The following ABLIM3 variants were observed in gnomAD, a reference collection of about 807,000 sequenced individuals.
ABLIM3 encodes actin binding LIM protein family member 3.
Under a neutral mutation model 109.5 loss-of-function variants are expected in ABLIM3, and 61 were observed. That is an observed-to-expected ratio of 0.56 (90% CI 0.45 to 0.69). ABLIM3 has a LOEUF of 0.69. Ranked by LOEUF, ABLIM3 falls within the 30% of genes least tolerant of loss-of-function variation. ABLIM3 has a pLI of 0.00. For missense variants in ABLIM3, 796 were observed against 889.5 expected, an observed-to-expected ratio of 0.89 and a Z score of 1.34; for synonymous variants, 300 against 324.8, an observed-to-expected ratio of 0.92 and a Z score of 0.82.
chr5:149,250,933 C>G (rs1347311453), intron 20 of ABLIM3, among the ~76,000 whole-genome samples: 2 of 152,308 alleles, frequency 1.3e-5, no homozygotes, highest in African/African-American at 4.8e-5. Context: ...CAGCCCACCC[C>G]CAACTGCTAT....
chr5:149,152,720 C>T (rs1196544338), intron 2 of ABLIM3, among the ~76,000 whole-genome samples: 1 of 152,144 alleles, frequency 6.6e-6, no homozygotes, highest in African/African-American at 2.4e-5. Flanking sequence ...ACATACGGGA[C>T]ATGCCTGGTC....
intron 2 of ABLIM3, among the ~76,000 whole-genome samples, chr5:149,171,639 A>G (rs1157741755): frequency 1.3e-5 from 2 of 152,184 alleles, no homozygotes; most frequent in African/African-American, 2.4e-5. Flanking sequence ...GTGAAGGTTA[A>G]GGTTAGGATC....
chr5:149,159,341 A>T (rs1754120900), intron 2 of ABLIM3, among the ~76,000 whole-genome samples: 1 of 152,234 alleles, frequency 6.6e-6, no homozygotes, highest in Non-Finnish European at 1.5e-5. Context: ...CTATGTGGAC[A>T]GAAATTATAA....
chr5:149,219,971 T>C (rs905814459), intron 8 of ABLIM3: 17 of 152,322 alleles, frequency 1.1e-4, no homozygotes, highest in Admixed American at 7.2e-4. Flanking sequence ...GGGGGGATCC[T>C]GGCTCCACTG....
At chr5:149,225,986 A>G (rs60498221) in intron 8 of ABLIM3, among the ~76,000 whole-genome samples, 457 of 9,934 alleles carry the variant, frequency 0.046, 3 homozygotes, top group Non-Finnish European at 0.075. Context: ...GTGTGTGTAT[A>G]TATATATATA....
At chr5:149,214,329 A>T (rs1759840220) in intron 7 of ABLIM3, among the ~76,000 whole-genome samples, 1 of 152,194 alleles carries the variant, frequency 6.6e-6, no homozygotes, top group Non-Finnish European at 1.5e-5. Context: ...TATTCTCAGG[A>T]GGGCGTTCTT....
chr5:149,212,727 TG>T (rs1209131667), intron 7 of ABLIM3, among the ~76,000 whole-genome samples: 1 of 152,126 alleles, frequency 6.6e-6, no homozygotes, highest in Non-Finnish European at 1.5e-5. Flanking sequence ...TTGGCAGAAC[TG>T]GGGATGACAG....
chr5:149,143,506 T>TCA (rs901376539), intron 2 of ABLIM3, among the ~76,000 whole-genome samples: 3 of 150,776 alleles, frequency 2.0e-5, no homozygotes, highest in African/African-American at 7.3e-5. Flanking sequence ...TACTATTTCC[T>TCA]CACACACCCC....
Position 149,258,607 on chromosome 5 carries a change from A to C in ABLIM3, c.*203A>C, listed in dbSNP as rs1754659671. 7.5e-7 allele frequency: 1 copy of C among 1,331,422 alleles called. No individual in the cohort carries two copies. The highest frequency in any genetic ancestry group is 2.0e-5 in the South Asian group (1 of 51,098). The allele number at this position is 1,331,422 out of a possible 1,614,324, so 82.5% of individuals were successfully genotyped here. A position where few individuals can be genotyped will look rare whatever the true frequency, so the allele number is the denominator to read the frequency against. On this transcript the variant is annotated 3_prime_UTR_variant, in exon 24 of 24. Coordinates refer to ENST00000309868, the MANE Select transcript of ABLIM3 (RefSeq NM_014945.5). ...TTTTCTAAGTGCTGTGGGATCTGGG[A>C]AGGGATTTGAGGGGACTCTGTCCTT...
intron 2 of ABLIM3, among the ~76,000 whole-genome samples, chr5:149,151,497 T>C (rs1049375165): frequency 3.9e-5 from 6 of 152,246 alleles, no homozygotes; most frequent in African/African-American, 1.4e-4. Context: ...TGTCAGCCAC[T>C]GTCCACACTA....
At chr5:149,225,905 T>G (rs1761136878) in intron 8 of ABLIM3, among the ~76,000 whole-genome samples, 1 of 135,390 alleles carries the variant, frequency 7.4e-6, no homozygotes, top group Admixed American at 7.6e-5. Context: ...TATGGCTGAG[T>G]AGTATTCCAT....
intron 11 of ABLIM3, 64 bp from the exon 12 acceptor site, chr5:149,239,184 G>T: frequency 1.9e-6 from 3 of 1,554,364 alleles, no homozygotes; most frequent in Non-Finnish European, 1.8e-6. Context: ...TCTGTCCTTC[G>T]TCTCGTCCTC....
intron 7 of ABLIM3, among the ~76,000 whole-genome samples, chr5:149,214,648 G>A (rs759474166): frequency 2.5e-4 from 38 of 152,162 alleles, no homozygotes; most frequent in Non-Finnish European, 4.7e-4. Flanking sequence ...AACAACAGTC[G>A]CCCAAGCACA....
At chr5:149,239,569 G>A (rs1426336584) in intron 12 of ABLIM3, among the ~76,000 whole-genome samples, 190 bp from the exon 13 acceptor site, 1 of 152,224 alleles carries the variant, frequency 6.6e-6, no homozygotes, top group African/African-American at 2.4e-5. Context: ...AGTAATGGGG[G>A]AAAGCCCTGG....
rs1754796437 is a variant in ABLIM3 at position 149,260,349 on chromosome 5, ACTGG to A, written c.*1946_*1949del. The A allele has an allele frequency of 6.6e-6, 1 of 152,548 alleles. No homozygotes were observed. The highest frequency in any genetic ancestry group is 1.5e-5 in the Non-Finnish European group (1 of 68,020). The allele number at this position is 152,548 out of a possible 1,614,324, so 9.4% of individuals were successfully genotyped here. Reference sequence around the variant, plus strand: ...CAATCATGGAAGTTGCCTTATTGTCACTGGTTAAGAACTTGGCGAGATTGAAGGG... The same window carrying A: ...CAATCATGGAAGTTGCCTTATTGTCATTAAGAACTTGGCGAGATTGAAGGG... On this transcript the variant is annotated 3_prime_UTR_variant, in exon 24 of 24. Coordinates refer to ENST00000309868, the MANE Select transcript of ABLIM3 (RefSeq NM_014945.5).
At chr5:149,160,804 C>T (rs925544192) in intron 2 of ABLIM3, among the ~76,000 whole-genome samples, 89 of 152,300 alleles carry the variant, frequency 5.8e-4, no homozygotes, top group African/African-American at 2.0e-3. Flanking sequence ...CTGTGTGCAC[C>T]TCCAGGCTGG....
intron 2 of ABLIM3, among the ~76,000 whole-genome samples, chr5:149,160,093 G>C (rs1245672815): frequency 6.6e-6 from 1 of 152,054 alleles, no homozygotes; most frequent in South Asian, 2.1e-4. Flanking sequence ...AACTCCCAAA[G>C]CATAGCAAAC....
chr5:149,228,082 C>T (rs1185953922), intron 8 of ABLIM3, among the ~76,000 whole-genome samples: 1 of 152,166 alleles, frequency 6.6e-6, no homozygotes, highest in East Asian at 1.9e-4. Flanking sequence ...TGTGCTGAGT[C>T]TCCTTCCTAA....
chr5:149,215,522 T>TA (rs11327906), intron 7 of ABLIM3, among the ~76,000 whole-genome samples: 111 of 146,210 alleles, frequency 7.6e-4, no homozygotes, highest in Non-Finnish European at 1.5e-3. Context: ...TCCCCCCACA[T>TA]AAAAAAAAAA....
Sources: allele counts gnomAD v4.1 joint callset (sites outside exome capture counted in the v4.1 genomes callset), GRCh38; gene constraint gnomAD v4.1.1; transcripts MANE v1.5; gene names NCBI Gene and HGNC (gene_info 2026-07-23, HGNC 2026-07-21).